NCEH1: variants seen among roughly 807,000 people sequenced by gnomAD.
NCEH1 encodes neutral cholesterol ester hydrolase 1.
In NCEH1, 9 loss-of-function variants were observed where a neutral mutation model predicts 25.4. The ratio of observed to expected loss-of-function variants is 0.35; its 90% CI spans 0.21 to 0.62. The LOEUF (loss-of-function observed/expected upper bound fraction) is 0.62, where lower values mean the gene tolerates loss of function less well. NCEH1 is among the 20% of genes least tolerant of loss of function. The pLI is 0.72. For synonymous variants in NCEH1, 200 were observed against 199.8 expected (o/e 1.00, Z -0.01); for missense variants, 412 against 501.1 (o/e 0.82, Z 1.70).
intron 3 of NCEH1, among the ~76,000 whole-genome samples, chr3:172,645,399 A>G (rs1717071575): frequency 6.6e-6 from 1 of 152,210 alleles, no homozygotes; most frequent in Admixed American, 6.5e-5. Context: ...AGTTTTCAAA[A>G]CTAACGGTGA....
rs1043078042 is a variant in NCEH1 at position 172,634,866 on chromosome 3, T to C, written c.610-774A>G. On this transcript the variant is annotated intron_variant, in intron 4 of 4. Transcript: ENST00000475381. ...GTAACTTTAGCCATACACTTCTGCT[T>C]CATACTTGGACTTTAGAAACCCATT... 3.3e-5 allele frequency among the ~76,000 whole-genome samples: 5 copies of C among 152,352 alleles called. 1 individual carries two copies. Among genetic ancestry groups the C allele is most frequent in the Admixed American group, 6.5e-5 (1 of 15,300 alleles).
intron 3 of NCEH1, among the ~76,000 whole-genome samples, chr3:172,642,484 G>A (rs890046784): frequency 4.7e-5 from 7 of 150,464 alleles, no homozygotes; most frequent in Non-Finnish European, 8.8e-5. Context: ...CCTGAACATC[G>A]TTTCCAAGAG....
At chr3:172,689,250 A>C (rs1002507431) in intron 1 of NCEH1, among the ~76,000 whole-genome samples, 2 of 119,532 alleles carry the variant, frequency 1.7e-5, no homozygotes, top group African/African-American at 3.9e-5. Flanking sequence ...ACTTGGAGTA[A>C]CTTTTTTTTT....
intron 3 of NCEH1, among the ~76,000 whole-genome samples, chr3:172,642,985 C>G (rs1716932037): frequency 6.6e-6 from 1 of 152,154 alleles, no homozygotes; most frequent in African/African-American, 2.4e-5. Context: ...GTTGCCCAGG[C>G]TGGAGTGCAA....
At chr3:172,651,250 C>T (rs756264732) in intron 1 of NCEH1, among the ~76,000 whole-genome samples, 2 of 152,038 alleles carry the variant, frequency 1.3e-5, no homozygotes. Context: ...ACAGAATTGC[C>T]TAGAAATGCT....
At chr3:172,661,093 T>C (rs1458650155) in intron 1 of NCEH1, among the ~76,000 whole-genome samples, 3 of 152,224 alleles carry the variant, frequency 2.0e-5, no homozygotes, top group Non-Finnish European at 4.4e-5. Context: ...CTTCTAGGGT[T>C]TTTATGGTTT....
intron 1 of NCEH1, among the ~76,000 whole-genome samples, chr3:172,700,163 G>A (rs933095967): frequency 1.3e-5 from 2 of 152,184 alleles, no homozygotes; most frequent in Non-Finnish European, 2.9e-5. Context: ...ACTATACAGA[G>A]TTGAATAATT....
intron 1 of NCEH1, among the ~76,000 whole-genome samples, chr3:172,662,542 A>AC (rs1490773048): frequency 6.6e-6 from 1 of 152,222 alleles, no homozygotes; most frequent in South Asian, 2.1e-4. Flanking sequence ...AAGGAATGGT[A>AC]CCAGCTCCTC....
intron 1 of NCEH1, among the ~76,000 whole-genome samples, chr3:172,659,530 T>C (rs1717870036): frequency 6.6e-6 from 1 of 152,186 alleles, no homozygotes; most frequent in African/African-American, 2.4e-5. Context: ...CCCTCCTTGG[T>C]GTCTGTGAGT....
chr3:172,670,896 T>C (rs1314790936), intron 1 of NCEH1, among the ~76,000 whole-genome samples: 1 of 152,240 alleles, frequency 6.6e-6, no homozygotes, highest in Non-Finnish European at 1.5e-5. Flanking sequence ...TTTTTCCCAT[T>C]ATCTTTGCTC....
rs1716302156 is a variant in NCEH1 at position 172,630,594 on chromosome 3, A to C, written c.*2881T>G. ...GCTGGCAATTTGGCATACAGAAAGA[A>C]GAGAAGAGAACACTGTTTTCAAATG... On this transcript the variant is annotated 3_prime_UTR_variant, in exon 5 of 5. Transcript: ENST00000475381. 1.3e-5 allele frequency: 2 copies of C among 152,262 alleles called. No individual in the cohort carries two copies. The highest frequency in any genetic ancestry group is 2.9e-5 in the Non-Finnish European group (2 of 68,040). 9.4% of individuals were successfully genotyped at this position (152,262 alleles called of 1,614,324 possible). A position where few individuals can be genotyped will look rare whatever the true frequency, so the allele number is the denominator to read the frequency against.
chr3:172,675,327 A>AAATTAATTAATTAATTAATT (rs1179146406), intron 1 of NCEH1, among the ~76,000 whole-genome samples: 35 of 148,848 alleles, frequency 2.4e-4, no homozygotes, highest in African/African-American at 8.9e-4. Context: ...ATAAATAAAT[A>AAATTAATTAATTAATTAATT]AATAAATAAA....
chr3:172,696,867 G>A (rs1321497108), intron 1 of NCEH1, among the ~76,000 whole-genome samples: 1 of 152,114 alleles, frequency 6.6e-6, no homozygotes, highest in Non-Finnish European at 1.5e-5. Context: ...AAGAAATCCT[G>A]ATTAACTCTG....
chr3:172,686,891 T>G (rs1033023354), intron 1 of NCEH1, among the ~76,000 whole-genome samples: 2 of 152,228 alleles, frequency 1.3e-5, no homozygotes, highest in Non-Finnish European at 2.9e-5. Context: ...TTCCCCATTT[T>G]TTCTTGGGGG....
At position 172,697,970 on chromosome 3, in the gene NCEH1, A is replaced by ATTTTT. The variant is rs386398562; in HGVS notation, c.138+12872_138+12876dup. 1.2e-3 allele frequency among the ~76,000 whole-genome samples: 121 copies of ATTTTT among 101,074 alleles called. 4 individuals are homozygous for ATTTTT. The highest frequency in any genetic ancestry group is 1.9e-3 in the Non-Finnish European group (99 of 52,818). 66.3% of individuals were successfully genotyped at this position (101,074 alleles called of 152,430 possible). ...AAGCTGATCACTTTCTAAAAGCAGA[A>ATTTTT]TTTTTTTTTTTTTTTTTTTTTTTTG... On this transcript the variant is annotated intron_variant, in intron 1 of 4. Coordinates refer to ENST00000475381, the MANE Select transcript of NCEH1 (RefSeq NM_020792.6).
chr3:172,643,783 C>G (rs138782384), intron 3 of NCEH1, among the ~76,000 whole-genome samples: 5 of 152,148 alleles, frequency 3.3e-5, no homozygotes, highest in Non-Finnish European at 7.3e-5. Flanking sequence ...AGCCCAGCTT[C>G]CCTCCTTTTC....
At chr3:172,638,275 C>CAAAAAAAAAA (rs1560178436) in intron 3 of NCEH1, among the ~76,000 whole-genome samples, 3 of 81,900 alleles carry the variant, frequency 3.7e-5, no homozygotes, top group African/African-American at 1.2e-4. Context: ...GAGACTCTGT[C>CAAAAAAAAAA]CAAAAAAAAA....
chr3:172,639,570 C>T (rs1716754754), intron 3 of NCEH1, among the ~76,000 whole-genome samples: 1 of 152,120 alleles, frequency 6.6e-6, no homozygotes, highest in Non-Finnish European at 1.5e-5. Context: ...AGGGTTCTGA[C>T]ATTCAATATT....
intron 1 of NCEH1, among the ~76,000 whole-genome samples, chr3:172,692,492 G>C (rs1713119752): frequency 6.6e-6 from 1 of 151,598 alleles, no homozygotes; most frequent in Non-Finnish European, 1.5e-5. Flanking sequence ...CAAGTAGCTG[G>C]GACCACAGGT....
Sources: gnomAD v4.1 joint callset for allele counts (sites outside exome capture counted in the v4.1 genomes callset) on GRCh38, gnomAD v4.1.1 for gene constraint, MANE v1.5 for transcripts, NCBI Gene and HGNC (gene_info 2026-07-23, HGNC 2026-07-21) for gene names.